The following CBX2 variants were observed in gnomAD, a reference collection of about 807,000 sequenced individuals.
CBX2 encodes chromobox 2, also known as chromobox protein homolog 2.
In CBX2, 11 loss-of-function variants were observed where a neutral mutation model predicts 21.0. The ratio of observed to expected loss-of-function variants is 0.52; its 90% confidence interval spans 0.33 to 0.87. CBX2 has a LOEUF of 0.87. Ranked by LOEUF, CBX2 falls within the 40% of genes least tolerant of loss-of-function variation. The pLI, the probability that CBX2 is intolerant of heterozygous loss-of-function variation, is 0.02. For synonymous variants in CBX2, 364 were observed against 304.6 expected, an observed-to-expected ratio of 1.19 and a Z score of -2.03; for missense variants, 746 against 724.3, an observed-to-expected ratio of 1.03 and a Z score of -0.34.
chr17:79,777,751 G>A (rs757607966), upstream of CBX2, among the ~76,000 whole-genome samples: 2 of 151,798 alleles, frequency 1.3e-5, no homozygotes, highest in Admixed American at 6.6e-5. Flanking sequence ...AGCAGCCGCC[G>A]CGCCCCGTCC....
At chr17:79,782,045 A>G in intron 4 of CBX2, 2 of 1,613,872 alleles carry the variant, frequency 1.2e-6, no homozygotes, top group South Asian at 1.1e-5. Flanking sequence ...CCTGTCCTGC[A>G]CGCCTCTCTG....
upstream of CBX2, among the ~76,000 whole-genome samples, chr17:79,777,946 G>C (rs1555829229): frequency 7.0e-6 from 1 of 141,950 alleles, no homozygotes; most frequent in Non-Finnish European, 1.5e-5. Context: ...CCCCCGCCCG[G>C]GGCCCCGCGC....
upstream of CBX2, among the ~76,000 whole-genome samples, chr17:79,777,503 G>A (rs1052357596): frequency 6.6e-6 from 1 of 152,238 alleles, no homozygotes; most frequent in Non-Finnish European, 1.5e-5. Flanking sequence ...AGTGCTTGGT[G>A]GTTTAAGTTA....
At position 79,784,724 on chromosome 17, in the gene CBX2, G is replaced by A. The variant is rs781967736; in HGVS notation, c.1281G>A (p.Lys427=). 1 of 1,611,668 alleles carries A rather than the reference G, an allele frequency of 6.2e-7. No individual in the cohort carries two copies. ...TGGCGCCACCCACCCCTGCCAGCAA[G>A]AGGGACTGTGTCAAGGGCAGTGCTA... The part of the protein sequence containing the change: ...RAVAPPTPAS[K]RDCVKGSATP... The change falls in exon 5 of 5, where the codon AAG becomes AAA. Residue 427 remains lysine (K), a synonymous_variant. Coordinates refer to ENST00000310942, the MANE Select transcript of CBX2 (RefSeq NM_005189.3). This position sits in a 1 kb window ranked among gnomAD's most constrained non-coding sequence, Gnocchi z 5.9.
At chr17:79,780,832 C>A (rs1435793924) in intron 3 of CBX2, among the ~76,000 whole-genome samples, 1 of 152,164 alleles carries the variant, frequency 6.6e-6, no homozygotes, top group Non-Finnish European at 1.5e-5. Flanking sequence ...CCATGCAACA[C>A]TTCATTGTCC....
In CBX2 at chr17:79,787,409, A is replaced by T. The variant is rs1598230579; in HGVS notation, c.*2367A>T. ...AATCCCAAAGTTTGAATCTGCAGAT[A>T]CCTTACTCCCAGCCACTTTGCCTTC... On this transcript the variant is annotated 3_prime_UTR_variant, in exon 5 of 5. Coordinates refer to ENST00000310942, the MANE Select transcript of CBX2 (RefSeq NM_005189.3). 1 of 152,624 alleles carries T rather than the reference A, an allele frequency of 6.6e-6. No individual in the cohort carries two copies. The highest frequency in any genetic ancestry group is 6.5e-5 in the Admixed American group (1 of 15,282). 9.5% of individuals were successfully genotyped at this position (152,624 alleles called of 1,614,324 possible).
Position 79,784,915 on chromosome 17 carries a change from A to G in CBX2, c.1472A>G (p.Gln491Arg). 2 of 1,613,476 alleles carry G rather than the reference A, an allele frequency of 1.2e-6. No individual in the cohort carries two copies. Among genetic ancestry groups the G allele is most frequent in the South Asian group, 1.1e-5 (1 of 91,088 alleles). The stretch of plus-strand genomic sequence containing the variant: ...CCGTCAGTGTCCGTTCAGACCAGCC[A>G]GGACTGGAAGCCCACCCGCAGCCTC... ...QNPSVSVQTSQDWKPTRSLIE... is the reference protein window; with the variant it reads ...QNPSVSVQTSRDWKPTRSLIE... The change falls in exon 5 of 5, where the codon CAG becomes CGG. Residue 491 changes from glutamine to arginine, a missense_variant. This residue lies in a region of CBX2 where 701 missense variants were observed against 650.7 expected (regional missense o/e 1.08). Transcript: ENST00000310942. The surrounding 1 kb of genome is among the most constrained non-coding windows in gnomAD (Gnocchi z 5.9).
rs1329720184 is a variant in CBX2, at chr17:79,784,248, C to G, written c.805C>G (p.Gln269Glu). 6.2e-7 allele frequency: 1 copy of G among 1,613,008 alleles called. No homozygotes were observed. Among genetic ancestry groups the G allele is most frequent in the Non-Finnish European group, 8.5e-7 (1 of 1,179,922 alleles). Residue 269 changes from glutamine (Q) to glutamate (E), a missense_variant, in exon 5 of 5, where the codon CAG becomes GAG. By Grantham distance (29) the Gln-to-Glu change is conservative. Transcript: ENST00000310942. This position sits in a 1 kb window ranked among gnomAD's most constrained non-coding sequence, Gnocchi z 5.9. The stretch of plus-strand genomic sequence containing the variant: ...GAACCGGATGACCCAGAGCCAGGCC[C>G]AGGCTGCCAGCAGGTTGGCGCTGAA... ...YMNRMTQSQA[Q>E]AASRLALKAQ...
upstream of CBX2, among the ~76,000 whole-genome samples, chr17:79,777,957 G>C (rs1242501986): frequency 7.0e-6 from 1 of 143,044 alleles, no homozygotes; most frequent in African/African-American, 2.5e-5. Flanking sequence ...GGCCCCGCGC[G>C]GGACCCCCCG....
chr17:79,784,932 C>A lies in CBX2; in HGVS notation c.1489C>A (p.Arg497Ser). The A allele has an allele frequency of 6.2e-7, 1 of 1,613,160 alleles. No individual in the cohort carries two copies. The highest frequency in any genetic ancestry group is 8.5e-7 in the Non-Finnish European group (1 of 1,180,026). The change falls in exon 5 of 5, where the codon CGC (arginine) becomes AGC (serine). Residue 497 changes from arginine to serine, a missense_variant. Transcript: ENST00000310942. This position sits in a 1 kb window ranked among gnomAD's most constrained non-coding sequence, Gnocchi z 5.9. Reference protein sequence around the residue: ...VQTSQDWKPTRSLIEHVFVTD... With the variant: ...VQTSQDWKPTSSLIEHVFVTD... Reference sequence around the variant, plus strand: ...GACCAGCCAGGACTGGAAGCCCACCCGCAGCCTCATCGAGCACGTATTTGT... The same window carrying A: ...GACCAGCCAGGACTGGAAGCCCACCAGCAGCCTCATCGAGCACGTATTTGT...
At chr17:79,782,900 T>C (rs1426620180) in intron 4 of CBX2, among the ~76,000 whole-genome samples, 2 of 152,096 alleles carry the variant, frequency 1.3e-5, no homozygotes, top group Non-Finnish European at 2.9e-5. Context: ...CACTCTTATT[T>C]AACATTGGCG....
rs781991921 is a variant in CBX2, at chr17:79,781,740, C to T, written c.227C>T (p.Pro76Leu). Residue 76 changes from proline to leucine, a missense_variant, in exon 4 of 5, where the codon CCG becomes CTG. Pro to Leu is a moderately conservative substitution (Grantham distance 98). Transcript: ENST00000310942. ...EVQNRKRGKR[P>L]RGRPRKLTAM... Reference sequence around the variant, plus strand: ...CAGAACCGGAAGAGAGGCAAGAGGCCGAGAGGCCGGCCAAGGAAGCTCACT... The same window carrying T: ...CAGAACCGGAAGAGAGGCAAGAGGCTGAGAGGCCGGCCAAGGAAGCTCACT... The T allele has an allele frequency of 1.8e-5, 29 of 1,613,926 alleles. No homozygotes were observed. Among genetic ancestry groups the T allele is most frequent in the South Asian group, 4.4e-5 (4 of 91,082 alleles).
chr17:79,784,077 G>A lies in CBX2; in HGVS notation c.634G>A (p.Ala212Thr), dbSNP rs782698822. The A allele has an allele frequency of 3.7e-6, 6 of 1,612,300 alleles. No homozygotes were observed. In the African/African-American group the frequency reaches 4.0e-5, roughly 11 times the overall value. ...ACTCAGCGCCCCCGTTGCAGGCCTG[G>A]CAGCTCTGAAGGCCCACGCCAAGGA... Reference protein sequence around the residue: ...PPLSAPVAGLAALKAHAKEAC... With the variant: ...PPLSAPVAGLTALKAHAKEAC... The change falls in exon 5 of 5, where the codon GCA becomes ACA. Residue 212 changes from alanine to threonine, a missense_variant. Ala to Thr is a moderately conservative substitution (Grantham distance 58). Around this residue, in one of 2 missense-constraint regions of CBX2, gnomAD observed 701 missense variants for 650.7 expected, o/e 1.08. Coordinates refer to ENST00000310942, the MANE Select transcript of CBX2 (RefSeq NM_005189.3). The surrounding 1 kb of genome is among the most constrained non-coding windows in gnomAD (Gnocchi z 5.9).
intron 3 of CBX2, 189 bp downstream of exon 3, chr17:79,779,616 TCTC>T (rs372552100): frequency 1.6e-6 from 1 of 623,238 alleles, no homozygotes; most frequent in Non-Finnish European, 2.9e-6. Context: ...TCTCCCACCT[TCTC>T]CTAGCCAGCC....
chr17:79,777,930 C>G (rs1467751901), upstream of CBX2, among the ~76,000 whole-genome samples: 5 of 145,842 alleles, frequency 3.4e-5, no homozygotes, highest in African/African-American at 9.9e-5. Flanking sequence ...CCCACCCCCG[C>G]CCCCGCCCCC....
intron 4 of CBX2, chr17:79,782,245 C>T (rs1907280325): frequency 6.3e-7 from 1 of 1,576,834 alleles, no homozygotes; most frequent in Non-Finnish European, 8.6e-7. Context: ...TCGAGGTGGC[C>T]ACGAAAGGCA....
At chr17:79,781,490 C>T (rs1907196189) in intron 3 of CBX2, among the ~76,000 whole-genome samples, 1 of 152,154 alleles carries the variant, frequency 6.6e-6, no homozygotes, top group South Asian at 2.1e-4. Flanking sequence ...TTGTCCTTAG[C>T]CAAATGAAAT....
intron 4 of CBX2, chr17:79,782,308 G>C: frequency 6.6e-7 from 1 of 1,509,670 alleles, no homozygotes; most frequent in East Asian, 2.5e-5. Context: ...GGAGGGCAGA[G>C]GCAGTGTGGG....
In CBX2 at chr17:79,784,812, G is replaced by C. The variant is rs370084807; in HGVS notation, c.1369G>C (p.Glu457Gln). ...AGCCCGCAAGGCGGCCACACTGCCA[G>C]AGATGAGCGCAGGTGAGGAGAGTAG... The part of the protein sequence containing the change: ...GEARKAATLP[E>Q]MSAGEESSSS... The change falls in exon 5 of 5, where the codon GAG becomes CAG. Residue 457 changes from glutamate (E) to glutamine (Q), a missense_variant. Physicochemically the swap from Glu to Gln is conservative, Grantham distance 29. Transcript: ENST00000310942. The surrounding 1 kb of genome is among the most constrained non-coding windows in gnomAD (Gnocchi z 5.9). 6.2e-6 allele frequency: 10 copies of C among 1,611,522 alleles called. No individual in the cohort carries two copies. Among genetic ancestry groups the C allele is most frequent in the Non-Finnish European group, 7.6e-6 (9 of 1,179,250 alleles).
Sources: allele counts gnomAD v4.1 joint callset (sites outside exome capture counted in the v4.1 genomes callset), GRCh38; gene constraint gnomAD v4.1.1; regional missense constraint gnomAD v4.1.1; non-coding constraint Gnocchi (gnomAD v3.1); transcripts MANE v1.5; gene names NCBI Gene and HGNC (gene_info 2026-07-23, HGNC 2026-07-21).